Variants in VPS26A observed in about 807,000 individuals in gnomAD.
VPS26A encodes VPS26 retromer complex component A.
Under a neutral mutation model 42.4 loss-of-function variants are expected in VPS26A, and 22 were observed. The observed-to-expected ratio is 0.52, with a 90% CI of 0.37 to 0.74. The LOEUF is 0.74. Ranked by LOEUF, VPS26A falls within the 30% of genes least tolerant of loss-of-function variation. The pLI is 0.00. For synonymous variants in VPS26A, 110 were observed against 123.5 expected (o/e 0.89, Z 0.73); for missense variants, 276 against 379.2 (o/e 0.73, Z 2.26).
intron 2 of VPS26A, among the ~76,000 whole-genome samples, chr10:69,150,620 ATCTC>A (rs1841282468): frequency 7.0e-6 from 1 of 142,248 alleles, no homozygotes; most frequent in Non-Finnish European, 1.5e-5. Context: ...GATGGTCTAG[ATCTC>A]CTGACCTCAT....
At chr10:69,167,656 T>C (rs947551277) in intron 7 of VPS26A, among the ~76,000 whole-genome samples, 2 of 146,334 alleles carry the variant, frequency 1.4e-5, no homozygotes, top group African/African-American at 5.0e-5. Context: ...GGCAGGAGAA[T>C]TGGATGAACC....
At chr10:69,164,212 TC>T (rs1275831755) in intron 6 of VPS26A, among the ~76,000 whole-genome samples, 1 of 147,918 alleles carries the variant, frequency 6.8e-6, no homozygotes, top group African/African-American at 2.5e-5. Flanking sequence ...GAGAAATCAA[TC>T]CCCCTCCACC....
intron 2 of VPS26A, among the ~76,000 whole-genome samples, chr10:69,147,683 G>A (rs1841191837): frequency 6.6e-6 from 1 of 152,000 alleles, no homozygotes; most frequent in Non-Finnish European, 1.5e-5. Context: ...CCATTGAATT[G>A]TTTTGGCACC....
At chr10:69,128,824 T>C (rs1379390622) in intron 1 of VPS26A, among the ~76,000 whole-genome samples, 2 of 151,100 alleles carry the variant, frequency 1.3e-5, no homozygotes, top group African/African-American at 4.9e-5. Context: ...GCAGAAACCC[T>C]GTCTCTACAA....
At chr10:69,151,080 A>G (rs1160591498) in intron 2 of VPS26A, among the ~76,000 whole-genome samples, 3 of 151,756 alleles carry the variant, frequency 2.0e-5, no homozygotes, top group Non-Finnish European at 2.9e-5. Flanking sequence ...TCTGGCTAAC[A>G]TGGTGAAACC....
rs373863330 is a variant in VPS26A, at chr10:69,136,782, G to GTTATTTATTTATTTATTTAT, written c.153+3742_153+3761dup. On this transcript the variant is annotated intron_variant, in intron 2 of 8. Coordinates refer to ENST00000263559, the MANE Select transcript of VPS26A (RefSeq NM_004896.5). The stretch of plus-strand genomic sequence containing the variant: ...CCTTTTTCCTTTTTTGGCCTGTTTT[G>GTTATTTATTTATTTATTTAT]TTATTTATTTATTTATTTATTTATT... Among the ~76,000 whole-genome samples the GTTATTTATTTATTTATTTAT allele has an allele frequency of 8.5e-4, 128 of 151,348 alleles. 1 individual carries two copies. Among genetic ancestry groups the GTTATTTATTTATTTATTTAT allele is most frequent in the African/African-American group, 2.9e-3 (121 of 41,026 alleles).
chr10:69,155,821 G>C lies in VPS26A; in HGVS notation c.163G>C (p.Ala55Pro). The change falls in exon 3 of 9, where the codon GCC becomes CCC. Residue 55 changes from alanine to proline, a missense_variant. By Grantham distance (27) the Ala-to-Pro change is conservative. Transcript: ENST00000263559. Reference protein sequence around the residue: ...GESVSGKVNLAFKQPGKRLEH... With the variant: ...GESVSGKVNLPFKQPGKRLEH... ...TTTCATGTTTTGGCAGGTAAACCTAGCCTTTAAGCAACCTGGAAAGAGGCT... is the reference window on the plus strand; with the variant it reads ...TTTCATGTTTTGGCAGGTAAACCTACCCTTTAAGCAACCTGGAAAGAGGCT... 1 of 1,611,920 alleles carries C rather than the reference G, an allele frequency of 6.2e-7. No homozygotes were observed. Among genetic ancestry groups the C allele is most frequent in the Non-Finnish European group, 8.5e-7 (1 of 1,178,896 alleles).
intron 2 of VPS26A, among the ~76,000 whole-genome samples, chr10:69,139,324 GA>G (rs1298568768): frequency 6.6e-6 from 1 of 151,866 alleles, no homozygotes; most frequent in Non-Finnish European, 1.5e-5. Context: ...TTATTTTTGA[GA>G]TGGAGTCTTG....
At chr10:69,149,446 A>G (rs1309652355) in intron 2 of VPS26A, among the ~76,000 whole-genome samples, 2 of 152,206 alleles carry the variant, frequency 1.3e-5, no homozygotes, top group South Asian at 4.1e-4. Flanking sequence ...TAAAAAGGAT[A>G]CTAAAGAGAT....
chr10:69,145,009 C>T (rs560181161), intron 2 of VPS26A, among the ~76,000 whole-genome samples: 12 of 151,742 alleles, frequency 7.9e-5, no homozygotes, highest in African/African-American at 2.9e-4. Flanking sequence ...TTTTTTTCCT[C>T]CTATAAATGT....
chr10:69,133,674 T>C (rs1039990310), intron 2 of VPS26A: 14 of 1,156,522 alleles, frequency 1.2e-5, no homozygotes, highest in Non-Finnish European at 1.6e-5. Flanking sequence ...GTTTTTTGGG[T>C]TTTTTGTTTT....
intron 5 of VPS26A, chr10:69,161,734 T>A (rs1841566989): frequency 2.6e-6 from 1 of 388,148 alleles, no homozygotes; most frequent in Non-Finnish European, 5.1e-6. Context: ...ATACATGGGC[T>A]CATCACAATT....
At chr10:69,129,632 C>T (rs1372827557) in intron 1 of VPS26A, among the ~76,000 whole-genome samples, 2 of 151,886 alleles carry the variant, frequency 1.3e-5, no homozygotes, top group Admixed American at 6.6e-5. Flanking sequence ...ACTGCAACCT[C>T]CACCTCCTGG....
At chr10:69,149,153 G>A (rs1278858656) in intron 2 of VPS26A, among the ~76,000 whole-genome samples, 2 of 152,128 alleles carry the variant, frequency 1.3e-5, no homozygotes, top group Non-Finnish European at 2.9e-5. Flanking sequence ...TAATAGCAAA[G>A]GGGAGAATAA....
At chr10:69,165,806 C>T (rs548202664) in intron 6 of VPS26A, among the ~76,000 whole-genome samples, 35 of 147,854 alleles carry the variant, frequency 2.4e-4, no homozygotes, top group African/African-American at 8.0e-4. Context: ...AAAAAACAGG[C>T]ATGGTGGTGC....
At chr10:69,166,913 G>A (rs570737995) in intron 7 of VPS26A, among the ~76,000 whole-genome samples, 1 of 152,078 alleles carries the variant, frequency 6.6e-6, no homozygotes, top group South Asian at 2.1e-4. Context: ...GATCACTTGA[G>A]GTCAGGAGTT....
chr10:69,131,916 G>T (rs895497821), intron 1 of VPS26A, among the ~76,000 whole-genome samples: 8 of 146,310 alleles, frequency 5.5e-5, no homozygotes, highest in African/African-American at 2.0e-4. Context: ...ATTACCAACT[G>T]ATGTGTTTTG....
At chr10:69,146,776 A>G (rs1841169483) in intron 2 of VPS26A, among the ~76,000 whole-genome samples, 2 of 152,212 alleles carry the variant, frequency 1.3e-5, no homozygotes, top group Non-Finnish European at 1.5e-5. Flanking sequence ...GGTGCCAGAT[A>G]ATATTCTAAT....
At chr10:69,152,749 C>T (rs997770719) in intron 2 of VPS26A, among the ~76,000 whole-genome samples, 17 of 152,012 alleles carry the variant, frequency 1.1e-4, no homozygotes, top group African/African-American at 4.1e-4. Context: ...GCGGGTGGAT[C>T]ACGAGGTCAG....
Sources: gnomAD v4.1 joint callset for allele counts (sites outside exome capture counted in the v4.1 genomes callset) on GRCh38, gnomAD v4.1.1 for gene constraint, MANE v1.5 for transcripts, NCBI Gene and HGNC (gene_info 2026-07-23, HGNC 2026-07-21) for gene names.